The following NRG3 variants were observed in gnomAD, a reference collection of about 807,000 sequenced individuals.
The protein encoded by NRG3 is pro-neuregulin-3, membrane-bound isoform.
In NRG3, 31 loss-of-function variants were observed where a neutral mutation model predicts 66.9. The observed-to-expected ratio is 0.46, with a 90% confidence interval of 0.35 to 0.63. The LOEUF (loss-of-function observed/expected upper bound fraction) is 0.63. Among genes scored for constraint, NRG3 ranks in the 20% least tolerant of loss-of-function variants. The pLI, the probability that NRG3 is intolerant of heterozygous loss-of-function variation, is 0.00. For missense variants in NRG3, 910 were observed against 878.9 expected (o/e 1.04, Z -0.45); for synonymous variants, 393 against 359.4 (o/e 1.09, Z -1.06).
At chr10:82,473,614 C>A in intron 2 of NRG3, among the ~76,000 whole-genome samples, 1 of 152,112 alleles carries the variant, frequency 6.6e-6, no homozygotes, top group Non-Finnish European at 1.5e-5. Context: ...AGCTTTGTGG[C>A]ATTTTCACTT....
chr10:81,979,611 A>G (rs1564708324), intron 1 of NRG3, among the ~76,000 whole-genome samples: 1 of 152,170 alleles, frequency 6.6e-6, no homozygotes, highest in Non-Finnish European at 1.5e-5. Flanking sequence ...AATTTGATTT[A>G]TAATAAGAGC....
At chr10:82,473,430 T>C (rs534452795) in intron 2 of NRG3, among the ~76,000 whole-genome samples, 1 of 152,130 alleles carries the variant, frequency 6.6e-6, no homozygotes, top group Non-Finnish European at 1.5e-5. Flanking sequence ...CAGACTGGTG[T>C]CAGCAAGATT....
chr10:82,047,153 C>T (rs1425996928), intron 1 of NRG3, among the ~76,000 whole-genome samples: 2 of 151,498 alleles, frequency 1.3e-5, no homozygotes, highest in Non-Finnish European at 2.9e-5. Context: ...GTTACCAGTT[C>T]CTCCTTGTAC....
chr10:82,736,851 T>C (rs999403854), intron 2 of NRG3, among the ~76,000 whole-genome samples: 20 of 152,340 alleles, frequency 1.3e-4, no homozygotes, highest in Admixed American at 3.3e-4. Flanking sequence ...TAAAGTGTAC[T>C]TAAAATCTCT....
intron 2 of NRG3, among the ~76,000 whole-genome samples, chr10:82,455,678 G>T (rs995503226): frequency 6.7e-6 from 1 of 150,302 alleles, no homozygotes; most frequent in African/African-American, 2.5e-5. Context: ...GCAGTGGCGC[G>T]ATCTCGGCTC....
intron 3 of NRG3, among the ~76,000 whole-genome samples, chr10:82,757,302 C>T (rs1173029342): frequency 6.6e-6 from 1 of 152,054 alleles, no homozygotes; most frequent in East Asian, 1.9e-4. Flanking sequence ...CACTTTACCA[C>T]TTTTTGTACA....
At chr10:82,830,005 A>G (rs2062436812) in intron 3 of NRG3, among the ~76,000 whole-genome samples, 1 of 152,146 alleles carries the variant, frequency 6.6e-6, no homozygotes, top group East Asian at 1.9e-4. Context: ...TGCATTTCAC[A>G]TCAGAGAGCT....
intron 2 of NRG3, among the ~76,000 whole-genome samples, chr10:82,687,556 G>A (rs1168310392): frequency 2.0e-5 from 3 of 152,038 alleles, no homozygotes; most frequent in Non-Finnish European, 1.5e-5. Flanking sequence ...GAGAGAAATT[G>A]GACTAAATTC....
chr10:82,058,931 G>T (rs73318359), intron 1 of NRG3, among the ~76,000 whole-genome samples: 5,666 of 152,236 alleles, frequency 0.037, 356 homozygotes, highest in African/African-American at 0.13. Context: ...TGGCAGGGGT[G>T]ATTTGAAGTC....
chr10:82,219,706 C>T (rs984309880), intron 1 of NRG3, among the ~76,000 whole-genome samples: 4 of 151,976 alleles, frequency 2.6e-5, no homozygotes, highest in Non-Finnish European at 4.4e-5. Flanking sequence ...TGCCTTATCT[C>T]GCCAAATAGT....
chr10:82,190,013 A>G (rs1420233041), intron 1 of NRG3, among the ~76,000 whole-genome samples: 1 of 152,224 alleles, frequency 6.6e-6, no homozygotes, highest in Non-Finnish European at 1.5e-5. Context: ...TGAACAAGAT[A>G]TAGACGATTC....
At chr10:81,900,964 T>C (rs1367312657) in intron 1 of NRG3, among the ~76,000 whole-genome samples, 1 of 152,218 alleles carries the variant, frequency 6.6e-6, no homozygotes, top group Non-Finnish European at 1.5e-5. Flanking sequence ...TTCAGTGATA[T>C]AATGAGCACA....
chr10:82,635,337 G>T (rs931231330), intron 2 of NRG3, among the ~76,000 whole-genome samples: 5 of 152,232 alleles, frequency 3.3e-5, no homozygotes, highest in Admixed American at 1.3e-4. Context: ...AAGTTCTAAA[G>T]CTCCAAAGAC....
chr10:82,429,046 C>A (rs2089629262), intron 2 of NRG3, among the ~76,000 whole-genome samples: 1 of 151,786 alleles, frequency 6.6e-6, no homozygotes, highest in Admixed American at 6.6e-5. Flanking sequence ...TAGTTTTTGT[C>A]CAGGGGATTG....
intron 2 of NRG3, among the ~76,000 whole-genome samples, chr10:82,408,133 AAGAAAGAAAG>A (rs1241645494): frequency 2.7e-5 from 4 of 149,080 alleles, no homozygotes; most frequent in Admixed American, 1.3e-4. Flanking sequence ...GAAAGAAAGA[AAGAAAGAAAG>A]AAAAGAAAAA....
At position 82,451,350 on chromosome 10, in the gene NRG3, T is replaced by C. The variant is rs189226371; in HGVS notation, c.953+92482T>C. 5.1e-4 allele frequency among the ~76,000 whole-genome samples: 78 copies of C among 152,268 alleles called. No individual in the cohort carries two copies. The Middle Eastern group carries it at 0.01, about 20-fold the overall frequency. On this transcript the variant is annotated intron_variant, in intron 2 of 8. Transcript: ENST00000372141. ...TTGTCTCAGTTGAATTAGTACAGATTTGATCCTAGAAGGCCTCCAGTACAA... is the reference window on the plus strand; with the variant it reads ...TTGTCTCAGTTGAATTAGTACAGATCTGATCCTAGAAGGCCTCCAGTACAA...
At chr10:82,765,750 A>G (rs2059490135) in intron 3 of NRG3, among the ~76,000 whole-genome samples, 2 of 152,192 alleles carry the variant, frequency 1.3e-5, no homozygotes, top group African/African-American at 4.8e-5. Flanking sequence ...TGTGGTATGC[A>G]TATAACTATT....
intron 1 of NRG3, among the ~76,000 whole-genome samples, chr10:82,328,285 G>T (rs987550079): frequency 6.6e-6 from 1 of 152,212 alleles, no homozygotes; most frequent in African/African-American, 2.4e-5. Flanking sequence ...TTTGTTATGT[G>T]TGTGTCTTCA....
At chr10:82,672,149 C>G (rs1262700063) in intron 2 of NRG3, among the ~76,000 whole-genome samples, 1 of 152,092 alleles carries the variant, frequency 6.6e-6, no homozygotes, top group Non-Finnish European at 1.5e-5. Flanking sequence ...ACAGTGAAGA[C>G]TAAGCTGAGC....
Sources: allele counts gnomAD v4.1 joint callset (sites outside exome capture counted in the v4.1 genomes callset), GRCh38; gene constraint gnomAD v4.1.1; transcripts MANE v1.5; gene names NCBI Gene and HGNC (gene_info 2026-07-23, HGNC 2026-07-21).